Variants in WHRN observed in about 807,000 individuals in gnomAD.
WHRN encodes whirlin.
WHRN carries 41 observed loss-of-function variants against 68.3 expected under a neutral mutation model. The observed-to-expected ratio is 0.60, with a 90% confidence interval of 0.47 to 0.78. WHRN has a LOEUF of 0.78. WHRN is among the 30% of genes least tolerant of loss of function. The pLI, the probability that WHRN is intolerant of heterozygous loss-of-function variation, is 0.00. For missense variants in WHRN, 1,243 were observed against 1,244.7 expected (o/e 1.00, Z 0.02); for synonymous variants, 560 against 561.3 (o/e 1.00, Z 0.03).
At chr9:114,425,383 G>A (rs1836732085) in intron 4 of WHRN, 6 of 576,432 alleles carry the variant, frequency 1.0e-5, no homozygotes, top group East Asian at 2.8e-5. Flanking sequence ...CTTAGGGGCC[G>A]GTGAACTGGA....
chr9:114,478,673 C>T lies in WHRN; in HGVS notation c.717G>A (p.Pro239=), dbSNP rs1437523406. The change falls in exon 2 of 12, where the codon CCG becomes CCA. Residue 239 remains proline (P), a synonymous_variant. Coordinates refer to ENST00000362057, the MANE Select transcript of WHRN (RefSeq NM_015404.4). ...AGGGTGGGGAGATGCTGCGGCCCTG[C>T]GGGTCCACCCAGGTGTAGATGTGGT... The part of the protein sequence containing the change: ...VTNHIYTWVD[P]QGRSISPPSG... 1.4e-5 allele frequency: 22 copies of T among 1,612,986 alleles called. No individual in the cohort carries two copies. The highest frequency in any genetic ancestry group is 2.7e-5 in the African/African-American group (2 of 75,052).
chr9:114,449,120 T>C (rs1163726014), intron 3 of WHRN, among the ~76,000 whole-genome samples: 1 of 152,174 alleles, frequency 6.6e-6, no homozygotes, highest in Admixed American at 6.5e-5. Context: ...ATCATTTCCC[T>C]TATGAAAGAG....
intron 3 of WHRN, 112 bp downstream of exon 3, chr9:114,466,155 G>A (rs1840670332): frequency 1.3e-6 from 2 of 1,547,230 alleles, no homozygotes; most frequent in East Asian, 2.2e-5. Flanking sequence ...GGGCTCCCCA[G>A]CTGGGACCAG....
At chr9:114,492,355 A>G (rs190549386) in intron 1 of WHRN, among the ~76,000 whole-genome samples, 113 of 152,364 alleles carry the variant, frequency 7.4e-4, no homozygotes, top group South Asian at 1.4e-3. Flanking sequence ...CAATATGGAT[A>G]ATATTAAAAA....
Position 114,504,806 on chromosome 9 carries a change from ACGCCGAGGCC to A in WHRN, c.-15_-6del, listed in dbSNP as rs1307483534. 4.2e-6 allele frequency: 6 copies of A among 1,416,904 alleles called. No homozygotes were observed. Among genetic ancestry groups the A allele is most frequent in the Non-Finnish European group, 4.5e-6 (5 of 1,099,112 alleles). 87.8% of individuals were successfully genotyped at this position (1,416,904 alleles called of 1,614,324 possible). The stretch of plus-strand genomic sequence containing the variant: ...GCCGTCCAGCGGCGCGTTCATCTCC[ACGCCGAGGCC>A]CGGCCGGGCTCTGAGCGCGCGGGGT... On this transcript the variant is annotated 5_prime_UTR_variant, in exon 1 of 12. Transcript: ENST00000362057.
rs766286407 is a variant in WHRN, at chr9:114,404,064, G to A, written c.2250C>T (p.Leu750=). 126 of 1,613,014 alleles carry A rather than the reference G, an allele frequency of 7.8e-5. No homozygotes were observed. Among genetic ancestry groups the A allele is most frequent in the Non-Finnish European group, 1.0e-4 (119 of 1,180,028 alleles). Residue 750 remains leucine, a synonymous_variant, in exon 10 of 12, where the codon CTC becomes CTT. Transcript: ENST00000362057. The stretch of plus-strand genomic sequence containing the variant: ...TCTGCCCGCTGTCCGAGAGCTGGGA[G>A]AGCGTAGAGGCTGCTGGAGAGGGGA... ...ALPQTRTAST[L]SQLSDSGQTL...
chr9:114,502,055 C>T (rs1317716463), intron 1 of WHRN, among the ~76,000 whole-genome samples: 1 of 152,192 alleles, frequency 6.6e-6, no homozygotes. Context: ...AAATTCCACC[C>T]ACCAAAGAAA....
intron 3 of WHRN, among the ~76,000 whole-genome samples, chr9:114,429,011 A>C (rs1293412726): frequency 6.6e-6 from 1 of 151,302 alleles, no homozygotes; most frequent in Non-Finnish European, 1.5e-5. Flanking sequence ...GCTCACTGCA[A>C]CCTCCACCTC....
chr9:114,453,546 A>G (rs1480302914), intron 3 of WHRN, among the ~76,000 whole-genome samples: 2 of 152,220 alleles, frequency 1.3e-5, no homozygotes, highest in African/African-American at 2.4e-5. Flanking sequence ...TGACAAAAAT[A>G]ATGTCTTAAT....
intron 7 of WHRN, among the ~76,000 whole-genome samples, chr9:114,410,652 C>G (rs937213149): frequency 6.6e-6 from 1 of 152,230 alleles, no homozygotes; most frequent in Non-Finnish European, 1.5e-5. Context: ...AAACCCAGAG[C>G]TCCTCATCTG....
chr9:114,431,147 T>C (rs1035951979), intron 3 of WHRN, among the ~76,000 whole-genome samples: 7 of 152,166 alleles, frequency 4.6e-5, no homozygotes, highest in Admixed American at 4.6e-4. Context: ...CATCCCTACA[T>C]TGCAGCCTCT....
At chr9:114,425,313 G>T in intron 4 of WHRN, 1 of 614,796 alleles carries the variant, frequency 1.6e-6, no homozygotes, top group Non-Finnish European at 2.9e-6. Context: ...GTAACACAAG[G>T]AGTGGAGGGA....
chr9:114,482,204 A>G (rs1457976770), intron 1 of WHRN, among the ~76,000 whole-genome samples: 1 of 152,234 alleles, frequency 6.6e-6, no homozygotes, highest in Non-Finnish European at 1.5e-5. Flanking sequence ...GGTGAGAGAT[A>G]AAGAATCATC....
chr9:114,410,483 A>C (rs747720238), intron 7 of WHRN, among the ~76,000 whole-genome samples: 2 of 152,238 alleles, frequency 1.3e-5, no homozygotes, highest in Non-Finnish European at 2.9e-5. Context: ...AGGTCACTGC[A>C]GTGAGCAGTA....
chr9:114,462,927 G>T (rs1354746565), intron 3 of WHRN, among the ~76,000 whole-genome samples: 1 of 152,232 alleles, frequency 6.6e-6, no homozygotes, highest in Non-Finnish European at 1.5e-5. Context: ...TAATCAGAGA[G>T]AGAGGGCGAG....
chr9:114,458,582 C>T (rs140223250), intron 3 of WHRN, among the ~76,000 whole-genome samples: 2 of 152,100 alleles, frequency 1.3e-5, no homozygotes, highest in South Asian at 2.1e-4. Flanking sequence ...TGTTTGATGG[C>T]GGCAGAGGGG....
intron 3 of WHRN, among the ~76,000 whole-genome samples, chr9:114,461,148 A>G (rs1840214460): frequency 6.6e-6 from 1 of 152,258 alleles, no homozygotes; most frequent in Non-Finnish European, 1.5e-5. Context: ...AAGTGAGTGG[A>G]CACTTCTACG....
At chr9:114,405,724 G>C (rs751978554) in intron 9 of WHRN, among the ~76,000 whole-genome samples, 1 of 152,326 alleles carries the variant, frequency 6.6e-6, no homozygotes, top group Non-Finnish European at 1.5e-5. Flanking sequence ...AATGTCCTAC[G>C]GGGCCTATGT....
At chr9:114,468,536 T>G (rs1840919646) in intron 2 of WHRN, among the ~76,000 whole-genome samples, 1 of 152,108 alleles carries the variant, frequency 6.6e-6, no homozygotes, top group Non-Finnish European at 1.5e-5. Context: ...CGTTCCAAGA[T>G]GGCAGACTCT....
Sources: allele counts gnomAD v4.1 joint callset (sites outside exome capture counted in the v4.1 genomes callset), GRCh38; gene constraint gnomAD v4.1.1; transcripts MANE v1.5; gene names NCBI Gene and HGNC (gene_info 2026-07-23, HGNC 2026-07-21).